Variants in EPHA5 observed in about 807,000 individuals in gnomAD.
The protein encoded by EPHA5 is EPH receptor A5.
In EPHA5, 60 loss-of-function variants were observed where a neutral mutation model predicts 105.0. That is an observed-to-expected ratio of 0.57 (90% CI 0.46 to 0.71). The LOEUF (loss-of-function observed/expected upper bound fraction) is 0.71. Among genes scored for constraint, EPHA5 ranks in the 30% least tolerant of loss-of-function variants. The probability of loss-of-function intolerance (pLI) is 0.00; values close to 1 mark genes in which losing one functional copy is unlikely to be tolerated. For synonymous variants in EPHA5, 513 were observed against 449.1 expected, an observed-to-expected ratio of 1.14 and a Z score of -1.80; for missense variants, 1,218 against 1,274.7, an observed-to-expected ratio of 0.96 and a Z score of 0.68.
intron 5 of EPHA5, among the ~76,000 whole-genome samples, chr4:65,480,371 C>A (rs901585939): frequency 6.6e-5 from 10 of 152,180 alleles, no homozygotes; most frequent in Non-Finnish European, 1.0e-4. Flanking sequence ...ACAAAAATAT[C>A]AGAATTCAAA....
chr4:65,338,527 A>T (rs1192860778), intron 14 of EPHA5, among the ~76,000 whole-genome samples: 1 of 152,066 alleles, frequency 6.6e-6, no homozygotes, highest in Non-Finnish European at 1.5e-5. Flanking sequence ...TGTTTACCTT[A>T]AACACCTTAA....
chr4:65,659,650 C>T (rs962422743), intron 1 of EPHA5, among the ~76,000 whole-genome samples: 8 of 151,958 alleles, frequency 5.3e-5, no homozygotes, highest in Non-Finnish European at 1.0e-4. Context: ...AGAACAATGT[C>T]CCCCACCCAG....
At chr4:65,457,958 C>T (rs1030279097) in intron 5 of EPHA5, among the ~76,000 whole-genome samples, 32 of 151,204 alleles carry the variant, frequency 2.1e-4, no homozygotes, top group Admixed American at 8.6e-4. Context: ...CCTGTAGTTC[C>T]AGCTACTCGG....
intron 3 of EPHA5, among the ~76,000 whole-genome samples, chr4:65,584,484 A>C (rs529328066): frequency 1.3e-5 from 2 of 151,984 alleles, no homozygotes; most frequent in East Asian, 3.9e-4. Context: ...CTCAACCCCC[A>C]AAAATACTCA....
chr4:65,653,747 T>C (rs758431003), intron 1 of EPHA5, among the ~76,000 whole-genome samples: 52 of 152,086 alleles, frequency 3.4e-4, no homozygotes, highest in African/African-American at 6.8e-4. Flanking sequence ...AAAGAAATAA[T>C]GTAAAATAAA....
intron 3 of EPHA5, among the ~76,000 whole-genome samples, chr4:65,511,860 C>A (rs893286612): frequency 1.3e-5 from 2 of 151,914 alleles, no homozygotes; most frequent in African/African-American, 4.8e-5. Flanking sequence ...AACAAAACAC[C>A]TTGTAGGTTT....
intron 2 of EPHA5, among the ~76,000 whole-genome samples, chr4:65,626,371 A>T (rs1746163535): frequency 6.6e-6 from 1 of 152,036 alleles, no homozygotes; most frequent in Non-Finnish European, 1.5e-5. Flanking sequence ...TATGTTTTTC[A>T]GAGTCTATAA....
chr4:65,569,600 A>G (rs546302820), intron 3 of EPHA5, among the ~76,000 whole-genome samples: 1 of 151,874 alleles, frequency 6.6e-6, no homozygotes, highest in African/African-American at 2.4e-5. Flanking sequence ...TATTAAAGAT[A>G]TACATTATGC....
intron 14 of EPHA5, among the ~76,000 whole-genome samples, chr4:65,339,887 C>T (rs941007815): frequency 6.6e-6 from 1 of 152,096 alleles, no homozygotes. Context: ...GGGGAGAACC[C>T]GCATGGTCCA....
chr4:65,368,400 C>G (rs1204314852), intron 8 of EPHA5, among the ~76,000 whole-genome samples: 1 of 152,120 alleles, frequency 6.6e-6, no homozygotes, highest in Admixed American at 6.6e-5. Flanking sequence ...TTACTTCTTT[C>G]AACCATAGTC....
intron 3 of EPHA5, among the ~76,000 whole-genome samples, chr4:65,526,178 AG>A (rs1735211471): frequency 6.6e-6 from 1 of 151,950 alleles, no homozygotes; most frequent in Non-Finnish European, 1.5e-5. Context: ...AATAGTAAAA[AG>A]GGTCACTATT....
At chr4:65,373,682 A>G (rs1249692801) in intron 8 of EPHA5, among the ~76,000 whole-genome samples, 2 of 151,924 alleles carry the variant, frequency 1.3e-5, no homozygotes, top group Non-Finnish European at 2.9e-5. Context: ...TCTGATTTAA[A>G]ATATTTTTGA....
chr4:65,325,311 T>C (rs1423220663), intron 16 of EPHA5, among the ~76,000 whole-genome samples: 6 of 151,408 alleles, frequency 4.0e-5, no homozygotes, highest in African/African-American at 7.3e-5. Flanking sequence ...TCAAAGAAAC[T>C]CTTAATTATC....
At chr4:65,343,258 G>A (rs1330195719) in intron 14 of EPHA5, among the ~76,000 whole-genome samples, 1 of 152,092 alleles carries the variant, frequency 6.6e-6, no homozygotes, top group Non-Finnish European at 1.5e-5. Flanking sequence ...TAGCTTCTGA[G>A]CTTGAATCAG....
At chr4:65,348,803 A>G (rs560054578) in intron 13 of EPHA5, among the ~76,000 whole-genome samples, 56 of 53,336 alleles carry the variant, frequency 1.0e-3, no homozygotes, top group Non-Finnish European at 1.8e-3. Flanking sequence ...GTATATATAT[A>G]TATATATATA....
At chr4:65,373,581 G>A (rs1179801013) in intron 8 of EPHA5, among the ~76,000 whole-genome samples, 1 of 151,760 alleles carries the variant, frequency 6.6e-6, no homozygotes, top group Non-Finnish European at 1.5e-5. Context: ...TGATCCTTTG[G>A]CCAGAGAAAT....
intron 5 of EPHA5, among the ~76,000 whole-genome samples, chr4:65,464,535 T>C (rs1728431358): frequency 6.6e-6 from 1 of 152,132 alleles, no homozygotes; most frequent in Admixed American, 6.5e-5. Context: ...GTAATTTTGA[T>C]GTAACAACTT....
chr4:65,459,780 T>G (rs1191523869), intron 5 of EPHA5, among the ~76,000 whole-genome samples: 1 of 151,834 alleles, frequency 6.6e-6, no homozygotes, highest in African/African-American at 2.4e-5. Flanking sequence ...AAATGAAACA[T>G]TAAAGCCAAT....
intron 3 of EPHA5, among the ~76,000 whole-genome samples, chr4:65,501,220 C>G (rs1483122394): frequency 1.3e-5 from 2 of 151,280 alleles, no homozygotes; most frequent in African/African-American, 4.8e-5. Flanking sequence ...ACATTAACAG[C>G]ATTTTATCTT....
Sources: gnomAD v4.1 joint callset for allele counts (sites outside exome capture counted in the v4.1 genomes callset) on GRCh38, gnomAD v4.1.1 for gene constraint, MANE v1.5 for transcripts, NCBI Gene and HGNC (gene_info 2026-07-23, HGNC 2026-07-21) for gene names.